Variants in GLG1 observed in about 807,000 individuals in gnomAD.
The protein encoded by GLG1 is golgi glycoprotein 1, also known as Golgi apparatus protein 1.
In GLG1, 38 loss-of-function variants were observed where a neutral mutation model predicts 160.5. The ratio of observed to expected loss-of-function variants is 0.24; its 90% CI spans 0.18 to 0.31. The LOEUF (loss-of-function observed/expected upper bound fraction) is 0.31, where lower values mean the gene tolerates loss of function less well. Among genes scored for constraint, GLG1 ranks in the 10% least tolerant of loss-of-function variants. The pLI is 1.00. For synonymous variants in GLG1, 644 were observed against 543.4 expected, an observed-to-expected ratio of 1.19 and a Z score of -2.57; for missense variants, 1,373 against 1,505.2, an observed-to-expected ratio of 0.91 and a Z score of 1.45.
chr16:74,591,343 T>C (rs1442311712), intron 1 of GLG1, among the ~76,000 whole-genome samples: 1 of 109,912 alleles, frequency 9.1e-6, no homozygotes, highest in Non-Finnish European at 1.9e-5. Context: ...AAAAAAAAAA[T>C]AAAGGCCTGG....
intron 10 of GLG1, among the ~76,000 whole-genome samples, chr16:74,481,196 T>G (rs1567471181): frequency 1.3e-5 from 2 of 152,316 alleles, no homozygotes; most frequent in South Asian, 4.1e-4. Flanking sequence ...CTATTCAGTT[T>G]TCTCTCTTCT....
intron 1 of GLG1, among the ~76,000 whole-genome samples, chr16:74,540,855 G>A (rs1249820015): frequency 6.6e-6 from 1 of 152,192 alleles, no homozygotes; most frequent in African/African-American, 2.4e-5. Context: ...CAGCTATCAA[G>A]AGATAAAAGG....
intron 1 of GLG1, among the ~76,000 whole-genome samples, chr16:74,554,305 G>A (rs766946032): frequency 5.3e-5 from 8 of 152,288 alleles, no homozygotes; most frequent in African/African-American, 9.6e-5. Context: ...GGGCCGAGGC[G>A]GACGGATCAC....
At position 74,597,130 on chromosome 16, in the gene GLG1, A is replaced by C. The variant is rs544487243; in HGVS notation, c.438+9527T>G. ...TGAGACCTCGTCTCAAACAAACAAA[A>C]AAAAAACCCAAAACAAAACTCACCA... On this transcript the variant is annotated intron_variant, in intron 1 of 25. Transcript: ENST00000422840. Among the ~76,000 whole-genome samples the C allele has an allele frequency of 1.8e-4, 28 of 151,920 alleles. 2 individuals are homozygous for C. Among genetic ancestry groups the C allele is most frequent in the East Asian group, 3.9e-4 (2 of 5,166 alleles).
chr16:74,534,118 CATAAGATTCTATT>C, intron 1 of GLG1, among the ~76,000 whole-genome samples: 1 of 152,222 alleles, frequency 6.6e-6, no homozygotes, highest in South Asian at 2.1e-4. Context: ...GCTAGGTAAT[CATAAGATTCTATT>C]ATATAACACA....
At chr16:74,496,095 C>T (rs2016175061) in intron 5 of GLG1, among the ~76,000 whole-genome samples, 1 of 152,136 alleles carries the variant, frequency 6.6e-6, no homozygotes, top group African/African-American at 2.4e-5. Flanking sequence ...AATGCCCCAT[C>T]TCTACAAAAA....
At chr16:74,459,645 A>C (rs1229899448) in intron 23 of GLG1, 37 bp downstream of exon 23, 5 of 1,051,892 alleles carry the variant, frequency 4.8e-6, no homozygotes, top group Non-Finnish European at 7.2e-6. Flanking sequence ...AAAAAAAAAA[A>C]GAAATGAAGT....
At chr16:74,515,033 T>C (rs1264932207) in intron 2 of GLG1, among the ~76,000 whole-genome samples, 3 of 150,806 alleles carry the variant, frequency 2.0e-5, no homozygotes, top group Admixed American at 2.0e-4. Flanking sequence ...CCAACAAAGA[T>C]CAAAAGAGAC....
rs187401306 is a variant in GLG1 at position 74,486,954 on chromosome 16, C to T, written c.1450-1037G>A. 4.0e-4 allele frequency among the ~76,000 whole-genome samples: 60 copies of T among 150,644 alleles called. No individual in the cohort carries two copies. In the East Asian group the frequency reaches 0.011, roughly 28 times the overall value. Reference sequence around the variant, plus strand: ...CCCGAGACAGAGTTTCGCTCTGTCACCCAGGCTGGAGTGCAGTGGCATGAT... The same window carrying T: ...CCCGAGACAGAGTTTCGCTCTGTCATCCAGGCTGGAGTGCAGTGGCATGAT... On this transcript the variant is annotated intron_variant, in intron 8 of 25. Coordinates refer to ENST00000422840, the MANE Select transcript of GLG1 (RefSeq NM_001145667.2).
rs990150387 is a variant in GLG1 at position 74,554,025 on chromosome 16, T to C, written c.439-21872A>G. 2.8e-4 allele frequency among the ~76,000 whole-genome samples: 42 copies of C among 152,322 alleles called. 1 individual carries two copies. The highest frequency in any genetic ancestry group is 2.5e-3 in the East Asian group (13 of 5,180). ...AAATTCTCAACCAAAGCGTAAGCTT[T>C]CAACATTCTCAACCATGGCCTAAGT... On this transcript the variant is annotated intron_variant, in intron 1 of 25. Transcript: ENST00000422840.
intron 1 of GLG1, among the ~76,000 whole-genome samples, chr16:74,547,026 C>T (rs9888976): frequency 0.66 from 100,759 of 151,652 alleles, 33,671 homozygotes; most frequent in East Asian, 0.81. Flanking sequence ...ACTGTCCCCG[C>T]TTCCAGAACA....
chr16:74,469,286 A>G, intron 16 of GLG1: 1 of 572,326 alleles, frequency 1.7e-6, no homozygotes, highest in Non-Finnish European at 3.1e-6. Flanking sequence ...TACATTCCTG[A>G]CAGAAGGGGA....
At position 74,574,503 on chromosome 16, in the gene GLG1, T is replaced by C. The variant is rs1003271384; in HGVS notation, c.438+32154A>G. Among the ~76,000 whole-genome samples, 6 of 152,152 alleles carry C rather than the reference T, an allele frequency of 3.9e-5. No individual in the cohort carries two copies. The East Asian group carries it at 9.7e-4, about 25-fold the overall frequency. On this transcript the variant is annotated intron_variant, in intron 1 of 25. Transcript: ENST00000422840. ...CTTATCATCTAACTCAAAATGCAAA[T>C]ATCAGAATTAACCCCCAAAGCAAGC... is the stretch of plus-strand genomic sequence containing the variant.
At chr16:74,564,831 C>T (rs1375405358) in intron 1 of GLG1, among the ~76,000 whole-genome samples, 1 of 152,152 alleles carries the variant, frequency 6.6e-6, no homozygotes, top group Non-Finnish European at 1.5e-5. Flanking sequence ...GCAGAAAGAT[C>T]CCAAACAGCC....
intron 1 of GLG1, among the ~76,000 whole-genome samples, chr16:74,604,050 G>A (rs895384787): frequency 6.6e-6 from 1 of 151,700 alleles, no homozygotes; most frequent in Non-Finnish European, 1.5e-5. Context: ...CAGCACTTTG[G>A]AAAGCCCAGC....
intron 1 of GLG1, among the ~76,000 whole-genome samples, chr16:74,599,971 T>C (rs1597387735): frequency 6.6e-6 from 1 of 151,700 alleles, no homozygotes; most frequent in Non-Finnish European, 1.5e-5. Context: ...GAGACAAAGG[T>C]TGCAGTGAGG....
At chr16:74,593,484 G>C (rs1194022612) in intron 1 of GLG1, among the ~76,000 whole-genome samples, 1 of 148,256 alleles carries the variant, frequency 6.7e-6, no homozygotes, top group Non-Finnish European at 1.5e-5. Flanking sequence ...ACCCAGGCTG[G>C]AGTGCAATAA....
chr16:74,471,986 C>A lies in GLG1; in HGVS notation c.2115+363G>T, dbSNP rs1483283416. On this transcript the variant is annotated intron_variant, in intron 14 of 25. Coordinates refer to ENST00000422840, the MANE Select transcript of GLG1 (RefSeq NM_001145667.2). ...GTGGCACAATCACGGCTCACTGCAG[C>A]CTCGACCTCCTGAGCTCAAGTGATC... Among the ~76,000 whole-genome samples, 5 of 152,158 alleles carry A rather than the reference C, an allele frequency of 3.3e-5. No individual in the cohort carries two copies. In the East Asian group the frequency reaches 7.7e-4, roughly 23 times the overall value.
rs1416234135 is a variant in GLG1 at position 74,477,419 on chromosome 16, T to C, written c.1942A>G (p.Ser648Gly). 6.2e-7 allele frequency: 1 copy of C among 1,612,632 alleles called. No homozygotes were observed. Among genetic ancestry groups the C allele is most frequent in the Non-Finnish European group, 8.5e-7 (1 of 1,178,756 alleles). The change falls in exon 12 of 26, where the codon AGT (serine) becomes GGT (glycine). Residue 648 changes from serine to glycine, a missense_variant. Transcript: ENST00000422840. ...KCLIDLGKWC[S>G]EKTETGQELE... ...ACCTGTCCAGTCTCTGTTTTCTCAC[T>C]GCACCATTTTCCCAGATCAATCAGG...
Sources: allele counts gnomAD v4.1 joint callset (sites outside exome capture counted in the v4.1 genomes callset), GRCh38; gene constraint gnomAD v4.1.1; transcripts MANE v1.5; gene names NCBI Gene and HGNC (gene_info 2026-07-23, HGNC 2026-07-21).